Variants in SPOCK1 observed in about 807,000 individuals in gnomAD.
The protein encoded by SPOCK1 is SPARC (osteonectin), cwcv and kazal like domains proteoglycan 1, also known as testican-1.
SPOCK1 carries 23 observed loss-of-function variants against 55.3 expected under a neutral mutation model. The observed-to-expected ratio is 0.42, with a 90% CI of 0.30 to 0.59. The LOEUF is 0.59. Ranked by LOEUF, SPOCK1 falls within the 20% of genes least tolerant of loss-of-function variation. The pLI, the probability that SPOCK1 is intolerant of heterozygous loss-of-function variation, is 0.22. For synonymous variants in SPOCK1, 226 were observed against 221.0 expected, an observed-to-expected ratio of 1.02 and a Z score of -0.20; for missense variants, 499 against 552.5, an observed-to-expected ratio of 0.90 and a Z score of 0.97.
chr5:137,195,571 G>A (rs1755281371), intron 3 of SPOCK1, among the ~76,000 whole-genome samples: 1 of 152,366 alleles, frequency 6.6e-6, no homozygotes, highest in African/African-American at 2.4e-5. Flanking sequence ...GCTTAGGCAT[G>A]ACGGCCACCC....
chr5:137,226,484 A>G (rs1196151440), intron 3 of SPOCK1, among the ~76,000 whole-genome samples: 1 of 152,154 alleles, frequency 6.6e-6, no homozygotes, highest in Non-Finnish European at 1.5e-5. Context: ...TTTTAATGCC[A>G]TGGAAGCCCC....
chr5:137,204,214 T>G (rs1301802483), intron 3 of SPOCK1, among the ~76,000 whole-genome samples: 3 of 150,544 alleles, frequency 2.0e-5, no homozygotes, highest in African/African-American at 7.3e-5. Context: ...TAATAAATGT[T>G]AGATGCTAAT....
chr5:137,095,064 G>A (rs1013960868), intron 5 of SPOCK1, among the ~76,000 whole-genome samples: 12 of 152,232 alleles, frequency 7.9e-5, no homozygotes, highest in Middle Eastern at 3.4e-3. Flanking sequence ...ACAAGGGAAC[G>A]GCTGGTTAGT....
chr5:137,016,003 G>A (rs774675540), intron 6 of SPOCK1, among the ~76,000 whole-genome samples: 1 of 152,194 alleles, frequency 6.6e-6, no homozygotes, highest in Non-Finnish European at 1.5e-5. Flanking sequence ...AAGATTTGGA[G>A]TCTGAAGGAT....
intron 4 of SPOCK1, among the ~76,000 whole-genome samples, chr5:137,127,547 G>A (rs1753801549): frequency 6.6e-6 from 1 of 152,250 alleles, no homozygotes; most frequent in Non-Finnish European, 1.5e-5. Context: ...CAGTGGGTCT[G>A]GAAGGGAGTA....
At chr5:137,085,075 C>T (rs1436021768) in intron 5 of SPOCK1, among the ~76,000 whole-genome samples, 1 of 151,054 alleles carries the variant, frequency 6.6e-6, no homozygotes, top group Admixed American at 6.6e-5. Flanking sequence ...TAGAAGACAA[C>T]TAAATACGTG....
rs139528937 is a variant in SPOCK1, at chr5:137,112,573, A to G, written c.348-12T>C. ...TCCCCTTCTTTTGCCTAAAGATGAG[A>G]AAAAAGGGGATAAATTAGTTGAAGC... is the stretch of plus-strand genomic sequence containing the variant. On this transcript the variant is annotated splice_polypyrimidine_tract_variant and intron_variant, in intron 4 of 10. Coordinates refer to ENST00000394945, the MANE Select transcript of SPOCK1 (RefSeq NM_004598.4). 2 of 1,610,410 alleles carry G rather than the reference A, an allele frequency of 1.2e-6. No homozygotes were observed. The highest frequency in any genetic ancestry group is 2.7e-5 in the African/African-American group (2 of 74,486).
intron 2 of SPOCK1, among the ~76,000 whole-genome samples, chr5:137,419,986 A>G (rs1752449693): frequency 6.6e-6 from 1 of 152,186 alleles, no homozygotes; most frequent in Admixed American, 6.5e-5. Flanking sequence ...TACCAAATTT[A>G]TTAAGAGTTT....
At chr5:137,319,365 A>G (rs1211583038) in intron 2 of SPOCK1, among the ~76,000 whole-genome samples, 1 of 152,234 alleles carries the variant, frequency 6.6e-6, no homozygotes, top group East Asian at 1.9e-4. Context: ...CTATTAATTT[A>G]AAACCATTCA....
chr5:137,196,689 T>C (rs1755305196), intron 3 of SPOCK1, among the ~76,000 whole-genome samples: 1 of 152,250 alleles, frequency 6.6e-6, no homozygotes, highest in Non-Finnish European at 1.5e-5. Context: ...GAGCACTGTG[T>C]GCCTCTACTT....
intron 3 of SPOCK1, among the ~76,000 whole-genome samples, chr5:137,237,619 T>C (rs1162176459): frequency 6.6e-6 from 1 of 152,250 alleles, no homozygotes; most frequent in East Asian, 1.9e-4. Flanking sequence ...TTAGCCTTTA[T>C]TTCTGGAAAG....
intron 2 of SPOCK1, among the ~76,000 whole-genome samples, chr5:137,394,955 T>C (rs998975805): frequency 4.6e-5 from 7 of 152,202 alleles, no homozygotes; most frequent in Non-Finnish European, 8.8e-5. Context: ...TTGATCAGAA[T>C]TGGAGTCCAT....
chr5:137,371,947 T>C (rs1561518071), intron 2 of SPOCK1, among the ~76,000 whole-genome samples: 1 of 152,246 alleles, frequency 6.6e-6, no homozygotes, highest in African/African-American at 2.4e-5. Flanking sequence ...GAACCACATA[T>C]ATAATTTGAA....
chr5:137,131,865 G>A (rs1426275927), intron 4 of SPOCK1, among the ~76,000 whole-genome samples: 20 of 137,998 alleles, frequency 1.4e-4, no homozygotes, highest in African/African-American at 3.6e-4. Context: ...CCAGCTACTC[G>A]GGAGGCTGAG....
At chr5:137,322,062 C>T (rs1228249236) in intron 2 of SPOCK1, among the ~76,000 whole-genome samples, 1 of 152,014 alleles carries the variant, frequency 6.6e-6, no homozygotes, top group Non-Finnish European at 1.5e-5. Flanking sequence ...AAACACTGGT[C>T]AGCAACATAA....
chr5:137,088,784 A>C (rs1383288090), intron 5 of SPOCK1, among the ~76,000 whole-genome samples: 1 of 152,208 alleles, frequency 6.6e-6, no homozygotes. Context: ...AGGGAACTTA[A>C]GTACCATGGG....
At chr5:136,996,583 C>T (rs1751042869) in intron 6 of SPOCK1, among the ~76,000 whole-genome samples, 1 of 152,134 alleles carries the variant, frequency 6.6e-6, no homozygotes, top group South Asian at 2.1e-4. Context: ...TTCTTCTCAG[C>T]ATCCTACTGA....
chr5:137,082,479 T>G (rs1752891572), intron 5 of SPOCK1, among the ~76,000 whole-genome samples: 1 of 151,044 alleles, frequency 6.6e-6, no homozygotes. Flanking sequence ...TCAAGAGGGG[T>G]GAGAACACAA....
intron 2 of SPOCK1, among the ~76,000 whole-genome samples, chr5:137,442,381 T>G (rs993174280): frequency 7.2e-5 from 11 of 152,196 alleles, no homozygotes; most frequent in African/African-American, 2.7e-4. Context: ...AGAATTGGGT[T>G]CAAATCTCCA....
Sources: allele counts gnomAD v4.1 joint callset (sites outside exome capture counted in the v4.1 genomes callset), GRCh38; gene constraint gnomAD v4.1.1; transcripts MANE v1.5; gene names NCBI Gene and HGNC (gene_info 2026-07-23, HGNC 2026-07-21).